Variants in UVRAG observed in about 807,000 individuals in gnomAD.
The protein encoded by UVRAG is UV radiation resistance associated, also known as UV radiation resistance-associated gene protein.
Under a neutral mutation model 78.0 loss-of-function variants are expected in UVRAG, and 19 were observed. That is an observed-to-expected ratio of 0.24 (90% CI 0.17 to 0.36). UVRAG has a LOEUF of 0.36. UVRAG is among the 10% of genes least tolerant of loss of function. The pLI is 1.00. For missense variants in UVRAG, 740 were observed against 853.8 expected, an observed-to-expected ratio of 0.87 and a Z score of 1.66; for synonymous variants, 323 against 324.6, an observed-to-expected ratio of 1.00 and a Z score of 0.05.
At chr11:75,840,915 T>A (rs1945894147) in intron 1 of UVRAG, among the ~76,000 whole-genome samples, 1 of 152,138 alleles carries the variant, frequency 6.6e-6, no homozygotes, top group South Asian at 2.1e-4. Context: ...CTCCTTTCTG[T>A]TTTTTGTTTT....
chr11:76,118,890 A>C (rs1270460575), intron 14 of UVRAG, among the ~76,000 whole-genome samples: 1 of 152,246 alleles, frequency 6.6e-6, no homozygotes, highest in Admixed American at 6.5e-5. Context: ...AGAACAGTTC[A>C]TATAAGATAG....
intron 5 of UVRAG, chr11:75,892,496 A>G (rs1947234433): frequency 1.3e-6 from 1 of 784,116 alleles, no homozygotes; most frequent in Non-Finnish European, 1.5e-6. Flanking sequence ...TTTAAACCTC[A>G]CACTTGGCCT....
chr11:75,992,066 A>G (rs1447823564), intron 8 of UVRAG, among the ~76,000 whole-genome samples: 3 of 152,186 alleles, frequency 2.0e-5, no homozygotes, highest in South Asian at 4.1e-4. Context: ...TAAAGATACT[A>G]CATATTAGTA....
At chr11:75,960,549 T>C (rs1948890310) in intron 6 of UVRAG, among the ~76,000 whole-genome samples, 1 of 152,100 alleles carries the variant, frequency 6.6e-6, no homozygotes, top group African/African-American at 2.4e-5. Flanking sequence ...GGCACATTGC[T>C]TGAACACAGG....
intron 3 of UVRAG, among the ~76,000 whole-genome samples, chr11:75,878,836 CAG>C (rs1476590517): frequency 7.2e-6 from 1 of 138,544 alleles, no homozygotes; most frequent in African/African-American, 2.7e-5. Context: ...AGCTCGGCAT[CAG>C]AGGGAGACCA....
intron 14 of UVRAG, among the ~76,000 whole-genome samples, chr11:76,127,806 A>G (rs966306198): frequency 6.6e-6 from 1 of 151,900 alleles, no homozygotes; most frequent in Non-Finnish European, 1.5e-5. Context: ...AAAATACAAA[A>G]ATTAGCCGGA....
chr11:75,883,686 T>A (rs1441137745), intron 4 of UVRAG, among the ~76,000 whole-genome samples: 2 of 152,174 alleles, frequency 1.3e-5, no homozygotes, highest in Non-Finnish European at 2.9e-5. Context: ...GATTGATGAA[T>A]ACCTTCATAG....
At chr11:76,051,943 A>G (rs1253274134) in intron 12 of UVRAG, among the ~76,000 whole-genome samples, 1 of 152,102 alleles carries the variant, frequency 6.6e-6, no homozygotes, top group Non-Finnish European at 1.5e-5. Flanking sequence ...TCTGTCACAT[A>G]CCTTCCTATG....
intron 2 of UVRAG, among the ~76,000 whole-genome samples, chr11:75,859,467 TG>T (rs1204544869): frequency 6.6e-6 from 1 of 151,920 alleles, no homozygotes; most frequent in Non-Finnish European, 1.5e-5. Context: ...TTATTAATTT[TG>T]TTTTAAATAA....
At chr11:76,009,617 G>T (rs1950014312) in intron 11 of UVRAG, among the ~76,000 whole-genome samples, 1 of 152,174 alleles carries the variant, frequency 6.6e-6, no homozygotes, top group African/African-American at 2.4e-5. Context: ...AGCATTGCTA[G>T]TTTTGATCAG....
At chr11:75,832,018 T>C (rs1002785832) in intron 1 of UVRAG, among the ~76,000 whole-genome samples, 5 of 152,244 alleles carry the variant, frequency 3.3e-5, no homozygotes, top group African/African-American at 1.2e-4. Context: ...GGGCACTCCA[T>C]GTACGATTTC....
At chr11:75,892,412 C>A in intron 5 of UVRAG, 1 of 984,094 alleles carries the variant, frequency 1.0e-6, no homozygotes, top group Non-Finnish European at 1.2e-6. Context: ...TTCCCTCTAA[C>A]GGGAATAATA....
chr11:75,822,679 T>TTTTA (rs771576227), intron 1 of UVRAG, among the ~76,000 whole-genome samples: 2 of 151,018 alleles, frequency 1.3e-5, no homozygotes, highest in African/African-American at 4.9e-5. Flanking sequence ...TTTTTTTTTT[T>TTTTA]AAATAAACAA....
intron 1 of UVRAG, among the ~76,000 whole-genome samples, chr11:75,844,347 C>T (rs989923660): frequency 1.3e-5 from 2 of 151,908 alleles, no homozygotes; most frequent in African/African-American, 4.8e-5. Flanking sequence ...CCTGCCTCAG[C>T]CTCCCAGTAG....
At chr11:76,001,903 A>G (rs998750839) in intron 8 of UVRAG, among the ~76,000 whole-genome samples, 1 of 152,322 alleles carries the variant, frequency 6.6e-6, no homozygotes, top group East Asian at 1.9e-4. Flanking sequence ...GAATTACTGA[A>G]GTTGGAATAT....
rs114840998 is a variant in UVRAG, at chr11:75,992,778, G to T, written c.826+9265G>T. Reference sequence around the variant, plus strand: ...CATTATTCTTGTACATTTACATGAAGGTACTATTTAATGAATCTTGAGCCA... The same window carrying T: ...CATTATTCTTGTACATTTACATGAATGTACTATTTAATGAATCTTGAGCCA... On this transcript the variant is annotated intron_variant, in intron 8 of 14. Transcript: ENST00000356136. Among the ~76,000 whole-genome samples, 1,322 of 152,222 alleles carry T rather than the reference G, an allele frequency of 8.7e-3. 25 individuals carry two copies. Among genetic ancestry groups the T allele is most frequent in the African/African-American group, 0.03 (1,259 of 41,526 alleles).
chr11:75,965,773 C>A (rs1416975366), intron 7 of UVRAG, among the ~76,000 whole-genome samples: 1 of 152,176 alleles, frequency 6.6e-6, no homozygotes, highest in Non-Finnish European at 1.5e-5. Flanking sequence ...TATTAATCTT[C>A]TGTCTTGCAA....
chr11:76,007,217 G>T (rs993917146), intron 9 of UVRAG, among the ~76,000 whole-genome samples: 1 of 151,970 alleles, frequency 6.6e-6, no homozygotes, highest in East Asian at 1.9e-4. Flanking sequence ...TCCCTATATT[G>T]CCCAGGCTGG....
chr11:76,002,415 C>A (rs1161503955), intron 8 of UVRAG, among the ~76,000 whole-genome samples: 1 of 152,050 alleles, frequency 6.6e-6, no homozygotes, highest in East Asian at 1.9e-4. Context: ...CATGTAATAA[C>A]ACATTCTAGA....
Sources: gnomAD v4.1 joint callset for allele counts (sites outside exome capture counted in the v4.1 genomes callset) on GRCh38, gnomAD v4.1.1 for gene constraint, MANE v1.5 for transcripts, NCBI Gene and HGNC (gene_info 2026-07-23, HGNC 2026-07-21) for gene names.